The following ATF7IP2 variants were observed in gnomAD, a reference collection of about 807,000 sequenced individuals.
The protein encoded by ATF7IP2 is activating transcription factor 7-interacting protein 2.
Under a neutral mutation model 64.2 loss-of-function variants are expected in ATF7IP2, and 42 were observed. The ratio of observed to expected loss-of-function variants is 0.65; its 90% CI spans 0.51 to 0.85. The LOEUF is 0.85. Among genes scored for constraint, ATF7IP2 ranks in the 40% least tolerant of loss-of-function variants. The pLI, the probability that ATF7IP2 is intolerant of heterozygous loss-of-function variation, is 0.00. For missense variants in ATF7IP2, 933 were observed against 784.2 expected, an observed-to-expected ratio of 1.19 and a Z score of -2.27; for synonymous variants, 308 against 272.8, an observed-to-expected ratio of 1.13 and a Z score of -1.27.
chr16:10,458,989 C>A (rs1164431829), intron 9 of ATF7IP2, among the ~76,000 whole-genome samples: 1 of 149,654 alleles, frequency 6.7e-6, no homozygotes, highest in Non-Finnish European at 1.5e-5. Context: ...AGTTTGAGAC[C>A]AGCCTGACCA....
intron 3 of ATF7IP2, among the ~76,000 whole-genome samples, chr16:10,427,087 C>G (rs2048100856): frequency 6.6e-6 from 1 of 152,138 alleles, no homozygotes; most frequent in South Asian, 2.1e-4. Context: ...CTCCTGGCCT[C>G]AGGTGATCCG....
At chr16:10,411,936 TAATC>T in intron 1 of ATF7IP2, among the ~76,000 whole-genome samples, 1 of 150,256 alleles carries the variant, frequency 6.7e-6, no homozygotes, top group African/African-American at 2.4e-5. Context: ...TTTTCTTGGT[TAATC>T]TTGCTAATGG....
At chr16:10,418,802 T>A (rs950635754) in intron 2 of ATF7IP2, among the ~76,000 whole-genome samples, 2 of 152,236 alleles carry the variant, frequency 1.3e-5, no homozygotes, top group Non-Finnish European at 2.9e-5. Flanking sequence ...CAAATCCTTA[T>A]GTTTAGCTCC....
At chr16:10,448,853 G>C (rs1010638291) in intron 8 of ATF7IP2, 1 of 152,122 alleles carries the variant, frequency 6.6e-6, no homozygotes, top group Non-Finnish European at 1.5e-5. Flanking sequence ...ATGTTGAATA[G>C]GAGTAGTGAG....
intron 1 of ATF7IP2, among the ~76,000 whole-genome samples, chr16:10,389,225 G>A (rs1383697711): frequency 6.6e-6 from 1 of 152,076 alleles, no homozygotes; most frequent in Non-Finnish European, 1.5e-5. Flanking sequence ...AAACTACTGT[G>A]AAAGAAAGAT....
At chr16:10,435,432 T>G (rs2048388700) in intron 6 of ATF7IP2, among the ~76,000 whole-genome samples, 1 of 152,234 alleles carries the variant, frequency 6.6e-6, no homozygotes, top group South Asian at 2.1e-4. Context: ...CCAGTTTGGC[T>G]GCCATCTCCA....
chr16:10,442,457 T>G (rs2048660834), intron 8 of ATF7IP2, among the ~76,000 whole-genome samples: 1 of 152,208 alleles, frequency 6.6e-6, no homozygotes, highest in Admixed American at 6.5e-5. Context: ...ATTGAACTAG[T>G]CCATGAATAG....
In ATF7IP2 at chr16:10,440,378, ACTTC is replaced by A; in HGVS notation, c.1111_1114del (p.Leu371LysfsTer15). 6.5e-7 allele frequency: 1 copy of A among 1,545,820 alleles called. No homozygotes were observed. Among genetic ancestry groups the A allele is most frequent in the East Asian group, 2.3e-5 (1 of 42,616 alleles). On this transcript the variant is annotated frameshift_variant, in exon 8 of 14. Transcript: ENST00000562102. LOFTEE classifies it high-confidence loss of function. Reference sequence around the variant, plus strand: ...TTTTCTTCTAGGCAAAAATAGCAAAACTTCAAAGACGTATTAAAACAGTATTATT... The same window carrying A: ...TTTTCTTCTAGGCAAAAATAGCAAAAAAAGACGTATTAAAACAGTATTATT...
At chr16:10,388,013 C>G (rs568883889) in intron 1 of ATF7IP2, among the ~76,000 whole-genome samples, 123 of 152,200 alleles carry the variant, frequency 8.1e-4, no homozygotes, top group African/African-American at 2.9e-3. Context: ...AGTGATTCTC[C>G]TGCCTCAGCC....
intron 9 of ATF7IP2, among the ~76,000 whole-genome samples, chr16:10,462,695 T>C (rs1437210155): frequency 6.6e-6 from 1 of 152,178 alleles, no homozygotes; most frequent in Non-Finnish European, 1.5e-5. Flanking sequence ...TTTAAATTTA[T>C]ACTGATGGGG....
At chr16:10,469,220 T>C (rs566130192) in intron 9 of ATF7IP2, among the ~76,000 whole-genome samples, 11 of 152,164 alleles carry the variant, frequency 7.2e-5, no homozygotes, top group Non-Finnish European at 1.5e-4. Context: ...AAAAGAGCTA[T>C]TGCCAATATA....
rs550618883 is a variant in ATF7IP2 at position 10,481,886 on chromosome 16, A to G, written c.1686A>G (p.Pro562=). ...HLPPLPEPPA[P]LPELVDKTRD... is the part of the protein sequence containing the mutation. ...CACCTCTCCCAGAACCACCAGCACC[A>G]CTACCTGAATTAGTAGACAAAACCC... The change falls in exon 14 of 14, where the codon CCA becomes CCG. Residue 562 remains proline (P), a synonymous_variant. Transcript: ENST00000562102. 8 of 1,611,860 alleles carry G rather than the reference A, an allele frequency of 5.0e-6. No homozygotes were observed. In the East Asian group the frequency reaches 8.9e-5, roughly 18 times the overall value.
intron 13 of ATF7IP2, among the ~76,000 whole-genome samples, chr16:10,481,254 C>A (rs74587003): frequency 0.014 from 2,165 of 152,114 alleles, 91 homozygotes; most frequent in Admixed American, 0.074. Flanking sequence ...TTTTTGAGAC[C>A]GAATCTTGCC....
rs2048088510 is a variant in ATF7IP2 at position 10,426,495 on chromosome 16, A to T, written c.-159-2373A>T. Among the ~76,000 whole-genome samples, 2 of 152,196 alleles carry T rather than the reference A, an allele frequency of 1.3e-5. 1 individual carries two copies. Among genetic ancestry groups the T allele is most frequent in the South Asian group, 4.1e-4 (2 of 4,830 alleles). The stretch of plus-strand genomic sequence containing the variant: ...GAGCCGGAAGTTTAACCAGTTATGA[A>T]GTGTGTAATGTTAATGACCATTTAG... On this transcript the variant is annotated intron_variant, in intron 3 of 13. Transcript: ENST00000562102.
In ATF7IP2 at chr16:10,431,237, A is replaced by T; in HGVS notation, c.617A>T (p.Asn206Ile). 4 of 1,614,202 alleles carry T rather than the reference A, an allele frequency of 2.5e-6. No individual in the cohort carries two copies. The highest frequency in any genetic ancestry group is 3.4e-6 in the Non-Finnish European group (4 of 1,180,004). ...QMVFHLETNS[N>I]SESHDKRQSD... ...GTTTTCCATTTAGAAACAAACTCCA[A>T]TTCAGAATCACATGATAAAAGGCAA... The change falls in exon 5 of 14, where the codon AAT becomes ATT. Residue 206 changes from asparagine to isoleucine, a missense_variant. By Grantham distance (149) the Asn-to-Ile change is moderately radical. Transcript: ENST00000562102.
intron 1 of ATF7IP2, 79 bp downstream of exon 1, chr16:10,386,201 TGAGGGCCGGCCCCGGAGGCCTCG>T (rs1343888674): frequency 6.6e-6 from 1 of 152,170 alleles, no homozygotes; most frequent in Non-Finnish European, 1.5e-5. Context: ...GTCGCCTCTC[TGAGGGCCGGCCCCGGAGGCCTCG>T]GAGCGCCGGG....
At chr16:10,450,534 T>C (rs1367894800) in intron 8 of ATF7IP2, among the ~76,000 whole-genome samples, 1 of 152,174 alleles carries the variant, frequency 6.6e-6, no homozygotes. Flanking sequence ...TGATAGTTCT[T>C]CTTGTTTCAT....
intron 2 of ATF7IP2, among the ~76,000 whole-genome samples, chr16:10,417,645 C>T (rs1235175128): frequency 2.6e-5 from 4 of 152,126 alleles, no homozygotes; most frequent in East Asian, 1.9e-4. Flanking sequence ...CAACACCACA[C>T]TCATACTAGA....
intron 1 of ATF7IP2, chr16:10,386,666 G>A (rs2047209806): frequency 6.6e-6 from 1 of 152,230 alleles, no homozygotes; most frequent in East Asian, 1.9e-4. Flanking sequence ...AAAATTCTGA[G>A]TAAAATGCTG....
Sources: gnomAD v4.1 joint callset for allele counts (sites outside exome capture counted in the v4.1 genomes callset) on GRCh38, gnomAD v4.1.1 for gene constraint, MANE v1.5 for transcripts, NCBI Gene and HGNC (gene_info 2026-07-23, HGNC 2026-07-21) for gene names.